TSC1: variants seen among roughly 807,000 people sequenced by gnomAD.
TSC1 encodes hamartin.
Under a neutral mutation model 124.3 loss-of-function variants are expected in TSC1, and 20 were observed. That is an observed-to-expected ratio of 0.16 (90% CI 0.11 to 0.23). The LOEUF (loss-of-function observed/expected upper bound fraction) is 0.23. Among genes scored for constraint, TSC1 ranks in the 10% least tolerant of loss-of-function variants. TSC1 has a pLI of 1.00. For missense variants in TSC1, 1,124 were observed against 1,448.5 expected (o/e 0.78, Z 3.64); for synonymous variants, 493 against 539.1 (o/e 0.91, Z 1.19).
Position 132,900,702 on chromosome 9 carries a change from A to G in TSC1, c.2625+13T>C. ...TTTCCCCACTAAGGTCTGGCTCCCGAGCCCTGGCATACCTTTGTGGTATCT... is the reference window on the plus strand; with the variant it reads ...TTTCCCCACTAAGGTCTGGCTCCCGGGCCCTGGCATACCTTTGTGGTATCT... On this transcript the variant is annotated intron_variant, in intron 20 of 22. Coordinates refer to ENST00000298552, the MANE Select transcript of TSC1 (RefSeq NM_000368.5). 6.2e-7 allele frequency: 1 copy of G among 1,613,972 alleles called. No homozygotes were observed. Among genetic ancestry groups the G allele is most frequent in the South Asian group, 1.1e-5 (1 of 91,070 alleles).
At chr9:132,918,497 A>G (rs536451707) in intron 8 of TSC1, among the ~76,000 whole-genome samples, 1 of 152,288 alleles carries the variant, frequency 6.6e-6, no homozygotes, top group Admixed American at 6.5e-5. Context: ...CTCACCAGAA[A>G]CCTGGATTAT....
At position 132,917,361 on chromosome 9, in the gene TSC1, C is replaced by T. The variant is rs922976300; in HGVS notation, c.737+4002G>A. ...TCTCTCTTTTTCTGAGATGGATTCT[C>T]GCTCTGTCACCCAGGCTGGCGTGCA... is the stretch of plus-strand genomic sequence containing the variant. On this transcript the variant is annotated intron_variant, in intron 8 of 22. Coordinates refer to ENST00000298552, the MANE Select transcript of TSC1 (RefSeq NM_000368.5). 3.3e-5 allele frequency among the ~76,000 whole-genome samples: 5 copies of T among 152,228 alleles called. No individual in the cohort carries two copies. The East Asian group carries it at 5.8e-4, about 18-fold the overall frequency.
At chr9:132,904,056 T>TTC (rs981838530) in intron 16 of TSC1, among the ~76,000 whole-genome samples, 7 of 152,118 alleles carry the variant, frequency 4.6e-5, no homozygotes, top group Non-Finnish European at 2.9e-5. Flanking sequence ...AGAGCCTGCT[T>TTC]TCCTTTCCCC....
Position 132,893,972 on chromosome 9 carries a change from G to A in TSC1, c.*2263C>T, listed in dbSNP as rs982862153. The A allele has an allele frequency of 1.3e-5, 3 of 233,368 alleles. No homozygotes were observed. The highest frequency in any genetic ancestry group is 2.5e-5 in the Non-Finnish European group (3 of 118,020). The allele number at this position is 233,368 out of a possible 1,614,324, so 14.5% of individuals were successfully genotyped here. A position where few individuals can be genotyped will look rare whatever the true frequency, so the allele number is the denominator to read the frequency against. ...TGCAACATGAAAGCCTACATTTTTA[G>A]GTTGGGCACCTTCAACATGACTCCA... On this transcript the variant is annotated 3_prime_UTR_variant, in exon 23 of 23. Coordinates refer to ENST00000298552, the MANE Select transcript of TSC1 (RefSeq NM_000368.5).
intron 10 of TSC1, 103 bp from the exon 11 acceptor site, chr9:132,911,216 C>T: frequency 1.0e-6 from 1 of 992,168 alleles, no homozygotes; most frequent in Non-Finnish European, 1.6e-6. Context: ...GCTTTTTCAT[C>T]TAGAAAAAGG....
chr9:132,935,384 TAG>T (rs1202138916), intron 1 of TSC1, among the ~76,000 whole-genome samples: 11 of 152,354 alleles, frequency 7.2e-5, no homozygotes, highest in East Asian at 3.9e-4. Context: ...GCCCTAGAAT[TAG>T]AGAGTTCCGG....
Position 132,923,472 on chromosome 9 carries a change from G to A in TSC1, c.384C>T (p.Val128=). The change falls in exon 6 of 23, where the codon GTC becomes GTT. Residue 128 remains valine, a synonymous_variant. Coordinates refer to ENST00000298552, the MANE Select transcript of TSC1 (RefSeq NM_000368.5). The surrounding 1 kb of genome is among the most constrained non-coding windows in gnomAD (Gnocchi z 4.2). ...TCAACACCAAGACGCCTGTTGTGAG[G>A]ACAACGACGTCAGTGTCCATCTGCA... is the stretch of plus-strand genomic sequence containing the variant. The part of the protein sequence containing the change: ...KCLKMDTDVV[V]LTTGVLVLIT... 6.2e-7 allele frequency: 1 copy of A among 1,614,134 alleles called. No individual in the cohort carries two copies. Among genetic ancestry groups the A allele is most frequent in the Non-Finnish European group, 8.5e-7 (1 of 1,179,992 alleles).
At chr9:132,908,531 C>T (rs1216005015) in intron 12 of TSC1, among the ~76,000 whole-genome samples, 1 of 152,068 alleles carries the variant, frequency 6.6e-6, no homozygotes, top group African/African-American at 2.4e-5. Context: ...TGGCTCACTG[C>T]AATCTCTGCC....
chr9:132,945,366 A>C (rs1472403032), upstream of TSC1: 1 of 152,316 alleles, frequency 6.6e-6, no homozygotes, highest in African/African-American at 2.4e-5. Flanking sequence ...CTTGAAAATC[A>C]GAACGCCTTA....
At chr9:132,927,521 C>CTT (rs57259325) in intron 3 of TSC1, among the ~76,000 whole-genome samples, 2,615 of 103,912 alleles carry the variant, frequency 0.025, 199 homozygotes, top group African/African-American at 0.052. Flanking sequence ...TTTTTATTGC[C>CTT]TTTTTTTTTT....
In TSC1 at chr9:132,922,324, G is replaced by A. The variant is rs116769217; in HGVS notation, c.509-351C>T. On this transcript the variant is annotated intron_variant, in intron 6 of 22. Coordinates refer to ENST00000298552, the MANE Select transcript of TSC1 (RefSeq NM_000368.5). Reference sequence around the variant, plus strand: ...ACTATCTTTATGATGATAGCTCTCTGTAAAATTTATACTTTTCCATTGCCG... The same window carrying A: ...ACTATCTTTATGATGATAGCTCTCTATAAAATTTATACTTTTCCATTGCCG... Among the ~76,000 whole-genome samples the A allele has an allele frequency of 1.2e-3, 176 of 152,080 alleles. 1 individual carries two copies. The highest frequency in any genetic ancestry group is 4.1e-3 in the African/African-American group (170 of 41,474).
At chr9:132,931,416 T>A (rs1241161392) in intron 2 of TSC1, 1 of 152,180 alleles carries the variant, frequency 6.6e-6, no homozygotes, top group African/African-American at 2.4e-5. Context: ...ATTTGCAAAG[T>A]AAGGTTTTAT....
At chr9:132,931,173 T>C (rs973810239) in intron 2 of TSC1, 4 of 152,232 alleles carry the variant, frequency 2.6e-5, no homozygotes, top group African/African-American at 9.6e-5. Flanking sequence ...ATCTTGTCCC[T>C]AAGTTTGGTT....
intron 1 of TSC1, among the ~76,000 whole-genome samples, chr9:132,937,696 T>C (rs563266569): frequency 1.4e-4 from 21 of 152,268 alleles, no homozygotes; most frequent in Non-Finnish European, 2.6e-4. Flanking sequence ...GGTTTTGTTG[T>C]TGGTGGTTGG....
At chr9:132,918,621 C>T (rs536758050) in intron 8 of TSC1, among the ~76,000 whole-genome samples, 23 of 152,104 alleles carry the variant, frequency 1.5e-4, no homozygotes, top group Non-Finnish European at 2.8e-4. Context: ...TTCTGAATGC[C>T]CAGACCACCA....
chr9:132,932,911 C>A (rs915017614), intron 2 of TSC1, among the ~76,000 whole-genome samples: 2 of 152,210 alleles, frequency 1.3e-5, no homozygotes, highest in East Asian at 1.9e-4. Context: ...TCATGAGAAA[C>A]CTTGAACTAA....
At chr9:132,910,730 C>T (rs2131949938) in intron 11 of TSC1, 38 bp from the exon 12 acceptor site, 1 of 1,612,114 alleles carries the variant, frequency 6.2e-7, no homozygotes, top group Non-Finnish European at 8.5e-7. Context: ...AACACTGAGC[C>T]CAACTATTAG....
intron 5 of TSC1, chr9:132,924,767 A>G (rs966616852): frequency 1.3e-5 from 2 of 152,200 alleles, no homozygotes; most frequent in African/African-American, 4.8e-5. Context: ...TTCTGAATTA[A>G]ATGCATGTTT....
chr9:132,936,283 C>T (rs933888618), intron 1 of TSC1, among the ~76,000 whole-genome samples: 3 of 151,958 alleles, frequency 2.0e-5, no homozygotes, highest in Admixed American at 1.3e-4. Flanking sequence ...CCCGACTAAT[C>T]GGTTTCTTTT....
Sources: allele counts gnomAD v4.1 joint callset (sites outside exome capture counted in the v4.1 genomes callset), GRCh38; gene constraint gnomAD v4.1.1; non-coding constraint Gnocchi (gnomAD v3.1); transcripts MANE v1.5; gene names NCBI Gene and HGNC (gene_info 2026-07-23, HGNC 2026-07-21).